The following IMPG2 variants were observed in gnomAD, a reference collection of about 807,000 sequenced individuals.
The protein encoded by IMPG2 is interphotoreceptor matrix proteoglycan 2, also known as IPM 200.
IMPG2 carries 91 observed loss-of-function variants against 129.2 expected under a neutral mutation model. The observed-to-expected ratio is 0.70, with a 90% CI of 0.59 to 0.84. The LOEUF (loss-of-function observed/expected upper bound fraction) is 0.84. Among genes scored for constraint, IMPG2 ranks in the 40% least tolerant of loss-of-function variants. The pLI, the probability that IMPG2 is intolerant of heterozygous loss-of-function variation, is 0.00. For synonymous variants in IMPG2, 510 were observed against 517.7 expected (o/e 0.99, Z 0.20); for missense variants, 1,430 against 1,461.7 (o/e 0.98, Z 0.35).
At position 101,231,044 on chromosome 3, in the gene IMPG2, A is replaced by G. The variant is rs1257918818; in HGVS notation, c.3335T>C (p.Leu1112Pro). The G allele has an allele frequency of 3.7e-6, 6 of 1,614,184 alleles. No homozygotes were observed. Among genetic ancestry groups the G allele is most frequent in the Non-Finnish European group, 5.1e-6 (6 of 1,180,004 alleles). Residue 1112 changes from leucine to proline, a missense_variant, in exon 16 of 19, where the codon CTT becomes CCT. Physicochemically the swap from Leu to Pro is moderately conservative, Grantham distance 98. Coordinates refer to ENST00000193391, the MANE Select transcript of IMPG2 (RefSeq NM_016247.4). ...IGITIASVVG[L>P]LVIFSAIIYF... ...GATGATAGCAGAAAAGATGACAAGA[A>G]GTCCAACCACGGAGGCAATAGTGAT...
At chr3:101,282,853 T>C (rs907464795) in intron 4 of IMPG2, among the ~76,000 whole-genome samples, 1 of 152,210 alleles carries the variant, frequency 6.6e-6, no homozygotes, top group African/African-American at 2.4e-5. Flanking sequence ...TTCACATAAC[T>C]CTCCTTCCAT....
At chr3:101,244,878 T>A (rs1033027226) in intron 12 of IMPG2, 91 bp from the exon 13 acceptor site, 80 of 1,114,454 alleles carry the variant, frequency 7.2e-5, no homozygotes, top group Non-Finnish European at 1.0e-4. Context: ...GTTTTTTCCC[T>A]GTGAAGTTAA....
intron 2 of IMPG2, among the ~76,000 whole-genome samples, chr3:101,313,170 C>T (rs905749098): frequency 6.6e-6 from 1 of 152,090 alleles, no homozygotes; most frequent in Non-Finnish European, 1.5e-5. Context: ...AATCCAATGG[C>T]TTTTCAATTA....
At chr3:101,310,559 CAAAAAAAAAAAAAAAAAA>C (rs199570786) in intron 2 of IMPG2, among the ~76,000 whole-genome samples, 21 of 126,444 alleles carry the variant, frequency 1.7e-4, no homozygotes, top group Admixed American at 1.5e-4. Flanking sequence ...GACCCTGTCT[CAAAAAAAAAAAAAAAAAA>C]AAAAAAAAAA....
chr3:101,227,061 A>G (rs1490541133), intron 18 of IMPG2, 80 bp from the exon 19 acceptor site: 8 of 1,339,850 alleles, frequency 6.0e-6, no homozygotes, highest in Non-Finnish European at 8.6e-6. Flanking sequence ...ATACATCACT[A>G]AGCTATACTC....
intron 2 of IMPG2, among the ~76,000 whole-genome samples, chr3:101,314,975 C>T (rs1400146581): frequency 6.6e-6 from 1 of 152,052 alleles, no homozygotes; most frequent in East Asian, 1.9e-4. Context: ...AAAATGCAGG[C>T]TCACTAGACA....
intron 7 of IMPG2, among the ~76,000 whole-genome samples, chr3:101,272,825 T>C (rs1038019987): frequency 1.3e-5 from 2 of 152,114 alleles, no homozygotes; most frequent in Non-Finnish European, 2.9e-5. Flanking sequence ...ATTGATAAAC[T>C]TGGCTAAAGA....
At chr3:101,256,393 G>C (rs1044595203) in intron 10 of IMPG2, among the ~76,000 whole-genome samples, 4 of 151,468 alleles carry the variant, frequency 2.6e-5, no homozygotes, top group Non-Finnish European at 5.9e-5. Context: ...TAACTGCCTG[G>C]AAAGACAAGA....
chr3:101,282,047 T>C (rs1314199753), intron 4 of IMPG2, among the ~76,000 whole-genome samples: 1 of 152,196 alleles, frequency 6.6e-6, no homozygotes, highest in Non-Finnish European at 1.5e-5. Flanking sequence ...AGAAAACTAA[T>C]ACAAGAATCT....
Position 101,299,503 on chromosome 3 carries a change from G to A in IMPG2, c.501+4643C>T, listed in dbSNP as rs1707117219. On this transcript the variant is annotated intron_variant, in intron 3 of 18. Transcript: ENST00000193391. Reference sequence around the variant, plus strand: ...CCTTTTGGGTTTTCAACCTTTTTTTGTTGATTCTTTCTCATCTTTCTAAGT... The same window carrying A: ...CCTTTTGGGTTTTCAACCTTTTTTTATTGATTCTTTCTCATCTTTCTAAGT... Among the ~76,000 whole-genome samples the A allele has an allele frequency of 2.0e-5, 3 of 152,238 alleles. No homozygotes were observed. The South Asian group carries it at 6.2e-4, about 32-fold the overall frequency.
chr3:101,261,687 A>T (rs543855502), intron 9 of IMPG2, among the ~76,000 whole-genome samples: 5 of 152,260 alleles, frequency 3.3e-5, no homozygotes, highest in African/African-American at 1.2e-4. Flanking sequence ...AGATACCAGA[A>T]AACCATCTAT....
In IMPG2 at chr3:101,267,529, G is replaced by T; in HGVS notation, c.890C>A (p.Ser297Tyr). Residue 297 changes from serine to tyrosine, a missense_variant and splice_region_variant, in exon 9 of 19, where the codon TCC (serine) becomes TAC (tyrosine). Coordinates refer to ENST00000193391, the MANE Select transcript of IMPG2 (RefSeq NM_016247.4). ...YKEIRVLEFR[S>Y]PKENDSGVDV... ...AAAGTACCTGTCATTTTCCTTGGGG[G>T]ACCTGAAAACAAAAATTAAAAATAT... 1 of 1,610,376 alleles carries T rather than the reference G, an allele frequency of 6.2e-7. No homozygotes were observed. The highest frequency in any genetic ancestry group is 1.1e-5 in the South Asian group (1 of 90,984).
chr3:101,253,692 A>G lies in IMPG2; in HGVS notation c.1239+4T>C. 1.2e-6 allele frequency: 2 copies of G among 1,605,456 alleles called. No homozygotes were observed. The highest frequency in any genetic ancestry group is 1.1e-5 in the South Asian group (1 of 90,442). ...TGGTTCTAGCATAAAACATAAAAAC[A>G]TACCAGAATAGATGACGGCGTTGCC... On this transcript the variant is annotated splice_donor_region_variant and intron_variant, in intron 11 of 18. Coordinates refer to ENST00000193391, the MANE Select transcript of IMPG2 (RefSeq NM_016247.4).
chr3:101,288,840 A>G (rs1363408869), intron 4 of IMPG2, among the ~76,000 whole-genome samples: 1 of 152,142 alleles, frequency 6.6e-6, no homozygotes, highest in Non-Finnish European at 1.5e-5. Flanking sequence ...CATCCTTTCG[A>G]ATTGATTTCT....
At chr3:101,301,168 C>T (rs1707136236) in intron 3 of IMPG2, among the ~76,000 whole-genome samples, 1 of 152,156 alleles carries the variant, frequency 6.6e-6, no homozygotes, top group Admixed American at 6.5e-5. Context: ...GGATATTGTT[C>T]ATGGCACTCC....
chr3:101,305,693 T>C (rs530109732), intron 2 of IMPG2, among the ~76,000 whole-genome samples: 1 of 152,166 alleles, frequency 6.6e-6, no homozygotes, highest in Admixed American at 6.5e-5. Context: ...TATACACACA[T>C]ACATACATAC....
intron 14 of IMPG2, among the ~76,000 whole-genome samples, chr3:101,241,880 T>A (rs975417826): frequency 4.0e-5 from 6 of 151,810 alleles, no homozygotes; most frequent in African/African-American, 1.5e-4. Flanking sequence ...ATACAAAAAA[T>A]TAGCCAGGTG....
rs867540385 is a variant in IMPG2 at position 101,305,011 on chromosome 3, C to T, written c.335-699G>A. On this transcript the variant is annotated intron_variant, in intron 2 of 18. Coordinates refer to ENST00000193391, the MANE Select transcript of IMPG2 (RefSeq NM_016247.4). ...ACAGAAAATAATAATCTTTTTTATA[C>T]ATAAAAATTTATGTTCACACAAAAA... 3.9e-5 allele frequency among the ~76,000 whole-genome samples: 6 copies of T among 152,038 alleles called. No homozygotes were observed. The South Asian group carries it at 1.2e-3, about 32-fold the overall frequency.
intron 4 of IMPG2, among the ~76,000 whole-genome samples, chr3:101,277,185 T>C (rs2107254263): frequency 1.3e-5 from 2 of 152,300 alleles, no homozygotes; most frequent in Middle Eastern, 6.8e-3. Flanking sequence ...ATGGCCATCA[T>C]ACTGGACAAG....
Sources: allele counts gnomAD v4.1 joint callset (sites outside exome capture counted in the v4.1 genomes callset), GRCh38; gene constraint gnomAD v4.1.1; transcripts MANE v1.5; gene names NCBI Gene and HGNC (gene_info 2026-07-23, HGNC 2026-07-21).